Variants in UBE2G1 observed in about 807,000 individuals in gnomAD.
The protein encoded by UBE2G1 is ubiquitin-conjugating enzyme E2 G1.
A neutral mutation model predicts 22.7 loss-of-function variants in UBE2G1; 5 were observed. That is an observed-to-expected ratio of 0.22 (90% CI 0.12 to 0.46). The LOEUF is 0.46. Ranked by LOEUF, UBE2G1 falls within the 20% of genes least tolerant of loss-of-function variation. UBE2G1 has a pLI of 0.99. For missense variants in UBE2G1, 88 were observed against 203.9 expected, an observed-to-expected ratio of 0.43 and a Z score of 3.46; for synonymous variants, 74 against 67.5, an observed-to-expected ratio of 1.10 and a Z score of -0.47.
intron 1 of UBE2G1, among the ~76,000 whole-genome samples, chr17:4,349,314 T>G (rs1388199169): frequency 2.0e-5 from 3 of 152,080 alleles, no homozygotes; most frequent in Admixed American, 6.6e-5. Flanking sequence ...ATGAGAATGG[T>G]GTGACACCAT....
intron 1 of UBE2G1, among the ~76,000 whole-genome samples, chr17:4,344,552 CAAA>C (rs576774645): frequency 7.6e-6 from 1 of 132,320 alleles, no homozygotes; most frequent in Non-Finnish European, 1.6e-5. Flanking sequence ...AGAAAGCTCT[CAAA>C]AAAAAAAAAG....
At chr17:4,280,664 T>C (rs923311433) in intron 5 of UBE2G1, among the ~76,000 whole-genome samples, 6 of 134,390 alleles carry the variant, frequency 4.5e-5, no homozygotes, top group African/African-American at 1.2e-4. Context: ...TGGAACGGAG[T>C]TTTGTTCTTG....
chr17:4,289,130 C>CAG (rs398030203), intron 4 of UBE2G1, 100 bp downstream of exon 4: 11 of 871,082 alleles, frequency 1.3e-5, no homozygotes, highest in Non-Finnish European at 1.8e-5. Context: ...CACACACACA[C>CAG]GCATGCATAC....
intron 2 of UBE2G1, among the ~76,000 whole-genome samples, chr17:4,305,517 A>T (rs1177984950): frequency 6.6e-6 from 1 of 152,204 alleles, no homozygotes; most frequent in Non-Finnish European, 1.5e-5. Context: ...CAACACTTTT[A>T]AAAATGTACA....
intron 3 of UBE2G1, among the ~76,000 whole-genome samples, 154 bp downstream of exon 3, chr17:4,296,563 T>C (rs1969114994): frequency 6.6e-6 from 1 of 152,088 alleles, no homozygotes; most frequent in Non-Finnish European, 1.5e-5. Context: ...CTCTCCTCCT[T>C]TTAAAGGTTT....
intron 2 of UBE2G1, among the ~76,000 whole-genome samples, chr17:4,297,379 C>T (rs1253670757): frequency 6.6e-6 from 1 of 152,156 alleles, no homozygotes; most frequent in Non-Finnish European, 1.5e-5. Context: ...TCAAGAGTGA[C>T]TTTCCAGAAC....
chr17:4,334,790 C>A (rs930662291), intron 1 of UBE2G1, among the ~76,000 whole-genome samples: 5 of 152,020 alleles, frequency 3.3e-5, no homozygotes, highest in Non-Finnish European at 5.9e-5. Flanking sequence ...CCACCCGCCT[C>A]AGCATCCCAA....
chr17:4,357,752 C>T (rs1969923913), intron 1 of UBE2G1, among the ~76,000 whole-genome samples: 1 of 151,900 alleles, frequency 6.6e-6, no homozygotes, highest in Non-Finnish European at 1.5e-5. Flanking sequence ...TAGCCAAGAT[C>T]CCACCACTGC....
intron 1 of UBE2G1, among the ~76,000 whole-genome samples, chr17:4,360,762 T>C (rs1035229029): frequency 6.6e-6 from 1 of 150,700 alleles, no homozygotes; most frequent in Non-Finnish European, 1.5e-5. Flanking sequence ...AAATACAAAA[T>C]TAGCCAGGTG....
chr17:4,315,609 G>A (rs963204773), intron 1 of UBE2G1, among the ~76,000 whole-genome samples: 5 of 150,978 alleles, frequency 3.3e-5, no homozygotes, highest in African/African-American at 9.7e-5. Context: ...GCGTGGTGGC[G>A]GGCGCCTGTA....
At chr17:4,279,316 C>T (rs1968855524) in intron 5 of UBE2G1, among the ~76,000 whole-genome samples, 1 of 150,172 alleles carries the variant, frequency 6.7e-6, no homozygotes, top group African/African-American at 2.5e-5. Flanking sequence ...TCAACACGTA[C>T]TGGCTGATGT....
chr17:4,287,776 G>A (rs982422095), intron 4 of UBE2G1, among the ~76,000 whole-genome samples: 2 of 151,946 alleles, frequency 1.3e-5, no homozygotes, highest in South Asian at 2.1e-4. Context: ...AAGAAGGAGA[G>A]AAGGCTAAGG....
chr17:4,331,800 C>CTAA (rs1969581391), intron 1 of UBE2G1: 1 of 152,104 alleles, frequency 6.6e-6, no homozygotes, highest in Non-Finnish European at 1.5e-5. Flanking sequence ...AGGAGGAAGG[C>CTAA]TAATCTTCTG....
intron 1 of UBE2G1, among the ~76,000 whole-genome samples, chr17:4,334,849 G>GT (rs527432500): frequency 5.3e-5 from 8 of 152,086 alleles, no homozygotes; most frequent in African/African-American, 1.9e-4. Flanking sequence ...TTAAGTAAAA[G>GT]TTTTTTTTAA....
At chr17:4,324,991 G>T (rs560153443) in intron 1 of UBE2G1, among the ~76,000 whole-genome samples, 1 of 151,934 alleles carries the variant, frequency 6.6e-6, no homozygotes, top group Non-Finnish European at 1.5e-5. Context: ...GCAGGAGAAC[G>T]GCGTGAACCC....
intron 1 of UBE2G1, among the ~76,000 whole-genome samples, chr17:4,365,376 A>C (rs775991218): frequency 6.6e-6 from 1 of 152,180 alleles, no homozygotes; most frequent in Admixed American, 6.5e-5. Context: ...ACACAGTCCT[A>C]GCAGAGTAGG....
At chr17:4,287,735 G>A (rs958891799) in intron 4 of UBE2G1, among the ~76,000 whole-genome samples, 1 of 151,942 alleles carries the variant, frequency 6.6e-6, no homozygotes, top group African/African-American at 2.4e-5. Context: ...TACTAACAAA[G>A]GTTCTAAGAA....
rs545635695 is a variant in UBE2G1, at chr17:4,294,227, C to A, written c.247+2490G>T. ...GGTCAGGAGTTCAAGACCAGCCTGTCCAACATGGTGAAACCCCGACTCTAC... is the reference window on the plus strand; with the variant it reads ...GGTCAGGAGTTCAAGACCAGCCTGTACAACATGGTGAAACCCCGACTCTAC... On this transcript the variant is annotated intron_variant, in intron 3 of 5. Coordinates refer to ENST00000396981, the MANE Select transcript of UBE2G1 (RefSeq NM_003342.5). 2.0e-4 allele frequency among the ~76,000 whole-genome samples: 30 copies of A among 152,144 alleles called. No homozygotes were observed. In the South Asian group the frequency reaches 2.7e-3, roughly 14 times the overall value.
In UBE2G1 at chr17:4,366,625, C is replaced by G. The variant is rs978344303; in HGVS notation, c.-309G>C. On this transcript the variant is annotated 5_prime_UTR_variant, in exon 1 of 6. Coordinates refer to ENST00000396981, the MANE Select transcript of UBE2G1 (RefSeq NM_003342.5). Reference sequence around the variant, plus strand: ...CGTCGGCCCCACCGGTGCCTTCCCCCGCCACTGCCTCACTGCGCGCAGGGC... The same window carrying G: ...CGTCGGCCCCACCGGTGCCTTCCCCGGCCACTGCCTCACTGCGCGCAGGGC... 26 of 302,510 alleles carry G rather than the reference C, an allele frequency of 8.6e-5. No homozygotes were observed. Among genetic ancestry groups the G allele is most frequent in the Non-Finnish European group, 1.4e-4 (22 of 162,826 alleles). The allele number at this position is 302,510 out of a possible 1,614,324, so 18.7% of individuals were successfully genotyped here. A position where few individuals can be genotyped will look rare whatever the true frequency, so the allele number is the denominator to read the frequency against.
Sources: allele counts gnomAD v4.1 joint callset (sites outside exome capture counted in the v4.1 genomes callset), GRCh38; gene constraint gnomAD v4.1.1; transcripts MANE v1.5; gene names NCBI Gene and HGNC (gene_info 2026-07-23, HGNC 2026-07-21).